Variants in CAMTA1 observed in about 807,000 individuals in gnomAD.
The protein encoded by CAMTA1 is calmodulin binding transcription activator 1.
In CAMTA1, 27 loss-of-function variants were observed where a neutral mutation model predicts 170.9. The observed-to-expected ratio is 0.16, with a 90% confidence interval of 0.12 to 0.22. CAMTA1 has a LOEUF of 0.22. Among genes scored for constraint, CAMTA1 ranks in the 10% least tolerant of loss-of-function variants. The pLI is 1.00. For missense variants in CAMTA1, 1,619 were observed against 2,217.2 expected, an observed-to-expected ratio of 0.73 and a Z score of 5.42; for synonymous variants, 833 against 891.5, an observed-to-expected ratio of 0.93 and a Z score of 1.17.
At chr1:7,689,965 T>C (rs3124799) in intron 11 of CAMTA1, among the ~76,000 whole-genome samples, 71,918 of 152,002 alleles carry the variant, frequency 0.47, 17,124 homozygotes, top group East Asian at 0.66. Context: ...CAAGACCAGC[T>C]TGACCAACAT....
chr1:6,789,804 C>CTTTTTTTTTTTTTTTTTTTTT (rs34542033), intron 1 of CAMTA1, among the ~76,000 whole-genome samples: 1 of 85,662 alleles, frequency 1.2e-5, no homozygotes. Flanking sequence ...TTTAGTGTAT[C>CTTTTTTTTTTTTTTTTTTTTT]TTTTTTTTTT....
intron 5 of CAMTA1, among the ~76,000 whole-genome samples, chr1:7,352,267 T>C (rs919160423): frequency 1.5e-4 from 23 of 151,756 alleles, no homozygotes; most frequent in African/African-American, 4.9e-4. Flanking sequence ...CCTCCAGTTA[T>C]TGGGAACCTG....
chr1:7,687,289 C>A, intron 11 of CAMTA1, among the ~76,000 whole-genome samples: 1 of 151,290 alleles, frequency 6.6e-6, no homozygotes, highest in South Asian at 2.1e-4. Context: ...GGATGTGACC[C>A]ATGGAGGCTA....
At chr1:6,904,920 A>G (rs549846839) in intron 3 of CAMTA1, among the ~76,000 whole-genome samples, 202 of 151,716 alleles carry the variant, frequency 1.3e-3, no homozygotes, top group Non-Finnish European at 2.1e-3. Flanking sequence ...TTGCACGCTG[A>G]ACACTCCGAC....
At chr1:7,160,289 T>A (rs1252739594) in intron 4 of CAMTA1, among the ~76,000 whole-genome samples, 1 of 152,114 alleles carries the variant, frequency 6.6e-6, no homozygotes, top group Admixed American at 6.5e-5. Context: ...CTATCATATA[T>A]CCTTTCTATA....
chr1:6,930,721 G>C, intron 3 of CAMTA1, among the ~76,000 whole-genome samples: 1 of 152,226 alleles, frequency 6.6e-6, no homozygotes, highest in Admixed American at 6.5e-5. Context: ...CCATTTGGCT[G>C]TCCCCTGAAC....
chr1:7,442,988 G>A (rs751378990), intron 5 of CAMTA1, among the ~76,000 whole-genome samples: 1 of 152,114 alleles, frequency 6.6e-6, no homozygotes, highest in Non-Finnish European at 1.5e-5. Flanking sequence ...CTGGACTCAG[G>A]ATGTCCTTTC....
At chr1:6,960,611 G>T (rs1390868268) in intron 3 of CAMTA1, among the ~76,000 whole-genome samples, 1 of 152,162 alleles carries the variant, frequency 6.6e-6, no homozygotes. Flanking sequence ...ACAGCACTCT[G>T]TTGATACCTC....
At chr1:6,879,315 CA>C (rs1435952611) in intron 3 of CAMTA1, among the ~76,000 whole-genome samples, 7 of 152,172 alleles carry the variant, frequency 4.6e-5, no homozygotes, top group African/African-American at 1.7e-4. Context: ...GGCTGGTAGA[CA>C]GAAATGTGTC....
At chr1:7,488,653 G>A (rs1041548041) in intron 6 of CAMTA1, among the ~76,000 whole-genome samples, 7 of 152,028 alleles carry the variant, frequency 4.6e-5, no homozygotes, top group Admixed American at 2.0e-4. Flanking sequence ...AAGCACATAT[G>A]TGCACACATA....
At chr1:7,412,571 C>T (rs1466498468) in intron 5 of CAMTA1, among the ~76,000 whole-genome samples, 1 of 151,956 alleles carries the variant, frequency 6.6e-6, no homozygotes, top group Non-Finnish European at 1.5e-5. Context: ...TGAGAAGTGT[C>T]TGTTCATATC....
chr1:7,358,122 A>G (rs1037362981), intron 5 of CAMTA1, among the ~76,000 whole-genome samples: 4 of 152,164 alleles, frequency 2.6e-5, no homozygotes, highest in African/African-American at 9.7e-5. Flanking sequence ...TTCAAGTTCT[A>G]TTTGCAAATA....
rs546636668 is a variant in CAMTA1, at chr1:7,529,462, C to T, written c.510+61561C>T. On this transcript the variant is annotated intron_variant, in intron 6 of 22. Transcript: ENST00000303635. ...CCCGCTCGCTGAGCCCCCACAGAAC[C>T]CTTCGAGGTAGAAAACATTGTTGTC... 4.6e-5 allele frequency among the ~76,000 whole-genome samples: 7 copies of T among 152,278 alleles called. No individual in the cohort carries two copies. The South Asian group carries it at 1.0e-3, about 23-fold the overall frequency.
chr1:6,930,624 G>A (rs1036971796), intron 3 of CAMTA1, among the ~76,000 whole-genome samples: 3 of 152,256 alleles, frequency 2.0e-5, no homozygotes, highest in East Asian at 1.9e-4. Flanking sequence ...GGTCTATGCT[G>A]TACCCCCCTT....
intron 5 of CAMTA1, among the ~76,000 whole-genome samples, chr1:7,367,588 G>A (rs1411836831): frequency 1.3e-5 from 2 of 152,224 alleles, no homozygotes; most frequent in Non-Finnish European, 2.9e-5. Flanking sequence ...CTGATGCCTG[G>A]CATTTGGGGC....
chr1:7,672,743 C>T (rs1176831404), intron 10 of CAMTA1, among the ~76,000 whole-genome samples: 1 of 152,098 alleles, frequency 6.6e-6, no homozygotes, highest in Admixed American at 6.5e-5. Context: ...TTCTTGCAGC[C>T]ACCAGAGCAG....
intron 1 of CAMTA1, among the ~76,000 whole-genome samples, chr1:6,797,035 G>A (rs74396214): frequency 0.015 from 2,296 of 152,298 alleles, 50 homozygotes; most frequent in African/African-American, 0.052. Flanking sequence ...GATGATTCAA[G>A]CTGCAACCAC....
In CAMTA1 at chr1:7,745,986, T is replaced by C. The variant is rs1454566595; in HGVS notation, c.4512T>C (p.Ser1504=). 2 of 1,613,758 alleles carry C rather than the reference T, an allele frequency of 1.2e-6. No homozygotes were observed. The highest frequency in any genetic ancestry group is 2.2e-5 in the South Asian group (2 of 91,074). ...CAGAATTCCTGAGTGCATCTACCAG[T>C]GAGAAGGTAGAGAATGAGTTTGCTC... The part of the protein sequence containing the change: ...DWSEFLSAST[S]EKVENEFAQL... Residue 1504 remains serine, a synonymous_variant, in exon 18 of 23, where the codon AGT becomes AGC. Coordinates refer to ENST00000303635, the MANE Select transcript of CAMTA1 (RefSeq NM_015215.4).
intron 3 of CAMTA1, among the ~76,000 whole-genome samples, chr1:6,843,708 G>C (rs1290983897): frequency 2.6e-5 from 4 of 152,178 alleles, no homozygotes; most frequent in African/African-American, 9.7e-5. Flanking sequence ...TCAAAGTCCT[G>C]ATCTCAGGTG....
Sources: gnomAD v4.1 joint callset for allele counts (sites outside exome capture counted in the v4.1 genomes callset) on GRCh38, gnomAD v4.1.1 for gene constraint, MANE v1.5 for transcripts, NCBI Gene and HGNC (gene_info 2026-07-23, HGNC 2026-07-21) for gene names.